Variants in SLC30A8 observed in about 807,000 individuals in gnomAD.
SLC30A8 encodes solute carrier family 30 member 8.
A neutral mutation model predicts 36.9 loss-of-function variants in SLC30A8; 27 were observed. The observed-to-expected ratio is 0.73, with a 90% confidence interval of 0.54 to 1.01. The LOEUF (loss-of-function observed/expected upper bound fraction) is 1.01, where lower values mean the gene tolerates loss of function less well. Among genes scored for constraint, SLC30A8 ranks in the 50% least tolerant of loss-of-function variants. The pLI is 0.00. For missense variants in SLC30A8, 439 were observed against 452.0 expected, an observed-to-expected ratio of 0.97 and a Z score of 0.26; for synonymous variants, 164 against 172.4, an observed-to-expected ratio of 0.95 and a Z score of 0.38.
At chr8:117,155,561 A>G (rs893649802) in intron 3 of SLC30A8, among the ~76,000 whole-genome samples, 2 of 152,350 alleles carry the variant, frequency 1.3e-5, no homozygotes, top group African/African-American at 4.8e-5. Context: ...AATTGGGTAC[A>G]GTATTTTGGG....
At chr8:117,139,248 A>G (rs1175180706) in intron 1 of SLC30A8, among the ~76,000 whole-genome samples, 1 of 152,092 alleles carries the variant, frequency 6.6e-6, no homozygotes, top group Non-Finnish European at 1.5e-5. Flanking sequence ...ATTTGGAGAT[A>G]GGGCCTCTAA....
chr8:117,055,449 C>A (rs1047323741), intron 2 of SLC30A8, among the ~76,000 whole-genome samples: 4 of 152,216 alleles, frequency 2.6e-5, no homozygotes, highest in Non-Finnish European at 5.9e-5. Flanking sequence ...GGCTGCATAG[C>A]ATGACTTCAC....
At chr8:117,016,071 G>C (rs1426001824) in intron 1 of SLC30A8, among the ~76,000 whole-genome samples, 1 of 152,166 alleles carries the variant, frequency 6.6e-6, no homozygotes, top group East Asian at 1.9e-4. Flanking sequence ...CCGGGCATAA[G>C]GTTACTTTCA....
rs190033285 is a variant in SLC30A8, at chr8:117,154,498, G to A, written c.418+1408G>A. Among the ~76,000 whole-genome samples the A allele has an allele frequency of 1.2e-3, 178 of 152,254 alleles. 2 individuals carry two copies. Among genetic ancestry groups the A allele is most frequent in the African/African-American group, 3.8e-3 (156 of 41,548 alleles). ...TTATAGACTGATAACTGTGGACTGC[G>A]GCTTTTCAAGTTTAGAATGGCAGGA... On this transcript the variant is annotated intron_variant, in intron 3 of 7. Coordinates refer to ENST00000456015, the MANE Select transcript of SLC30A8 (RefSeq NM_173851.3).
rs1413652841 is a variant in SLC30A8, at chr8:117,175,237, T to TTATG, written c.*2558_*2561dup. ...TCATCAACCTGTCATCTACATTCTT[T>TTATG]TATGTCTGTCTTTCAAAGCAACACT... On this transcript the variant is annotated 3_prime_UTR_variant, in exon 8 of 8. Transcript: ENST00000456015. 1 of 152,102 alleles carries TTATG rather than the reference T, an allele frequency of 6.6e-6. No homozygotes were observed. Among genetic ancestry groups the TTATG allele is most frequent in the Non-Finnish European group, 1.5e-5 (1 of 68,014 alleles). The allele number at this position is 152,102 out of a possible 1,614,324, so 9.4% of individuals were successfully genotyped here.
chr8:117,062,222 A>G (rs1008290131), intron 2 of SLC30A8, among the ~76,000 whole-genome samples: 1 of 152,220 alleles, frequency 6.6e-6, no homozygotes, highest in African/African-American at 2.4e-5. Context: ...GACGGTGTCA[A>G]GAATGGCATG....
At chr8:117,020,936 G>A (rs780530997) in intron 1 of SLC30A8, among the ~76,000 whole-genome samples, 1 of 152,106 alleles carries the variant, frequency 6.6e-6, no homozygotes, top group Non-Finnish European at 1.5e-5. Context: ...AGTGGTATTC[G>A]TCGGAATGGA....
intron 2 of SLC30A8, among the ~76,000 whole-genome samples, chr8:117,069,642 A>G (rs1054745381): frequency 1.3e-5 from 2 of 152,192 alleles, no homozygotes; most frequent in Admixed American, 1.3e-4. Context: ...ACATTTTATT[A>G]TCTTCATCTC....
intron 1 of SLC30A8, among the ~76,000 whole-genome samples, chr8:116,951,903 G>A (rs941610537): frequency 1.3e-5 from 2 of 151,922 alleles, no homozygotes; most frequent in African/African-American, 4.8e-5. Flanking sequence ...TAGTCTAGAT[G>A]GCAGGGTGGG....
chr8:116,988,124 T>A (rs1815510298), intron 1 of SLC30A8, among the ~76,000 whole-genome samples: 3 of 152,332 alleles, frequency 2.0e-5, no homozygotes, highest in Admixed American at 2.0e-4. Context: ...TTTAGACTTA[T>A]AAGAGTGATG....
chr8:116,985,366 G>A lies in SLC30A8; in HGVS notation c.-266+34247G>A, dbSNP rs899974712. ...TATATCTTTTTTAAAACCCAAAGGG[G>A]ACATTAGATGTATCTCTCTGCAGCA... is the stretch of plus-strand genomic sequence containing the variant. On this transcript the variant is annotated intron_variant, in intron 1 of 10. Coordinates refer to the SLC30A8 transcript ENST00000427715. Among the ~76,000 whole-genome samples, 39 of 151,320 alleles carry A rather than the reference G, an allele frequency of 2.6e-4. 1 individual carries two copies. Among genetic ancestry groups the A allele is most frequent in the African/African-American group, 9.2e-4 (38 of 41,250 alleles).
chr8:117,146,519 A>G lies in SLC30A8; in HGVS notation c.72-435A>G, dbSNP rs537758330. Among the ~76,000 whole-genome samples the G allele has an allele frequency of 1.6e-4, 24 of 152,310 alleles. No individual in the cohort carries two copies. The East Asian group carries it at 4.1e-3, about 26-fold the overall frequency. On this transcript the variant is annotated intron_variant, in intron 1 of 7. Coordinates refer to ENST00000456015, the MANE Select transcript of SLC30A8 (RefSeq NM_173851.3). The stretch of plus-strand genomic sequence containing the variant: ...CAGGAAACAGTGCTATGATCTGTCA[A>G]TGATGTTGATGTGTATTTGAATCCT...
intron 1 of SLC30A8, among the ~76,000 whole-genome samples, chr8:116,976,415 G>GA (rs1220551470): frequency 1.3e-5 from 2 of 152,100 alleles, no homozygotes; most frequent in Non-Finnish European, 2.9e-5. Flanking sequence ...CTGATTGGAA[G>GA]AAAATAGGCT....
At chr8:117,081,802 A>G (rs1429881184) in intron 2 of SLC30A8, among the ~76,000 whole-genome samples, 2 of 152,186 alleles carry the variant, frequency 1.3e-5, no homozygotes, top group Non-Finnish European at 2.9e-5. Context: ...TAATAACAAA[A>G]ATATGTGTTT....
At chr8:117,053,320 C>G (rs115091321) in intron 2 of SLC30A8, among the ~76,000 whole-genome samples, 1 of 152,126 alleles carries the variant, frequency 6.6e-6, no homozygotes, top group Non-Finnish European at 1.5e-5. Flanking sequence ...ATTTTCCTAT[C>G]GTCTGGTTTC....
At chr8:116,974,738 G>A (rs1007636969) in intron 1 of SLC30A8, among the ~76,000 whole-genome samples, 10 of 152,016 alleles carry the variant, frequency 6.6e-5, no homozygotes, top group Non-Finnish European at 1.5e-4. Context: ...ACATGCACAC[G>A]TATGTTTATT....
At chr8:117,056,555 A>C (rs1817877344) in intron 2 of SLC30A8, among the ~76,000 whole-genome samples, 1 of 151,812 alleles carries the variant, frequency 6.6e-6, no homozygotes, top group East Asian at 1.9e-4. Context: ...TTCTTTTTCT[A>C]AAACTGAGCT....
chr8:117,086,815 C>T (rs1818895600), intron 2 of SLC30A8, among the ~76,000 whole-genome samples: 1 of 152,220 alleles, frequency 6.6e-6, no homozygotes, highest in African/African-American at 2.4e-5. Flanking sequence ...GTACACTCTA[C>T]TCATCCTGAT....
At chr8:117,107,299 A>G (rs1820036821) in intron 2 of SLC30A8, among the ~76,000 whole-genome samples, 1 of 152,198 alleles carries the variant, frequency 6.6e-6, no homozygotes, top group South Asian at 2.1e-4. Flanking sequence ...TGAAGCACTC[A>G]AAGTTTGCTT....
Sources: gnomAD v4.1 joint callset for allele counts (sites outside exome capture counted in the v4.1 genomes callset) on GRCh38, gnomAD v4.1.1 for gene constraint, MANE v1.5 for transcripts, NCBI Gene and HGNC (gene_info 2026-07-23, HGNC 2026-07-21) for gene names.